Variants in LOC122539214 observed in about 807,000 individuals in gnomAD.
chr19:52,669,924 T>C, the LOC122539214 span, among the ~76,000 whole-genome samples: 3,336 of 152,280 alleles, frequency 0.022, 116 homozygotes, highest in African/African-American at 0.072. Context: ...CCAAGACATG[T>C]TAAAGAAGTT....
At chr19:52,666,594 C>T in the LOC122539214 span, among the ~76,000 whole-genome samples, 3 of 134,200 alleles carry the variant, frequency 2.2e-5, no homozygotes, top group Non-Finnish European at 4.7e-5. Context: ...GAGCACACCT[C>T]ATCAAGGAAG....
chr19:52,674,015 CAAAAAAAAA>C, the LOC122539214 span, among the ~76,000 whole-genome samples: 1 of 73,064 alleles, frequency 1.4e-5, no homozygotes, highest in African/African-American at 5.2e-5. Flanking sequence ...GACTCCATCT[CAAAAAAAAA>C]AAAAAAAAAA....
At chr19:52,665,772 G>A in the LOC122539214 span, among the ~76,000 whole-genome samples, 2 of 152,038 alleles carry the variant, frequency 1.3e-5, no homozygotes, top group Non-Finnish European at 2.9e-5. Flanking sequence ...CAGCAGCAGG[G>A]GCCTCATGCG....
chr19:52,682,530 G>A, the LOC122539214 span, among the ~76,000 whole-genome samples: 4 of 151,948 alleles, frequency 2.6e-5, no homozygotes, highest in Admixed American at 2.0e-4. Flanking sequence ...AATTACCCAG[G>A]CATGGCAGTG....
At chr19:52,671,869 T>C in the LOC122539214 span, among the ~76,000 whole-genome samples, 1 of 152,226 alleles carries the variant, frequency 6.6e-6, no homozygotes, top group East Asian at 1.9e-4. Flanking sequence ...AGAAAGATCA[T>C]GAAATATTAC....
chr19:52,655,452 G>C, the LOC122539214 span: 195 of 1,021,480 alleles, frequency 1.9e-4, no homozygotes, highest in African/African-American at 2.5e-3. Flanking sequence ...ACAATGACAT[G>C]TACATCAAAA....
At chr19:52,682,145 C>T in the LOC122539214 span, among the ~76,000 whole-genome samples, 1 of 152,024 alleles carries the variant, frequency 6.6e-6, no homozygotes, top group African/African-American at 2.4e-5. Context: ...CGTGCCTGGC[C>T]TGTTTTTACT....
At chr19:52,684,797 A>G in the LOC122539214 span, among the ~76,000 whole-genome samples, 4 of 151,618 alleles carry the variant, frequency 2.6e-5, no homozygotes, top group Non-Finnish European at 4.4e-5. Flanking sequence ...GTGTTTGGGA[A>G]AAAAAAAATG....
the LOC122539214 span, among the ~76,000 whole-genome samples, chr19:52,665,603 C>T: frequency 2.0e-5 from 3 of 152,026 alleles, no homozygotes; most frequent in African/African-American, 4.8e-5. Context: ...ATAAAGCAAC[C>T]TTTTTTAATC....
the LOC122539214 span, chr19:52,654,242 G>C: frequency 6.3e-7 from 1 of 1,575,218 alleles, no homozygotes; most frequent in South Asian, 1.1e-5. Context: ...TTAATTTCTT[G>C]CCACTGAAAC....
the LOC122539214 span, among the ~76,000 whole-genome samples, chr19:52,683,235 T>G: frequency 4.7e-4 from 8 of 16,848 alleles, no homozygotes; most frequent in East Asian, 7.2e-3. Context: ...ACTCTGTGTG[T>G]GTGTGTGTGT....
chr19:52,662,714 CT>C, the LOC122539214 span, among the ~76,000 whole-genome samples: 1 of 152,060 alleles, frequency 6.6e-6, no homozygotes, highest in African/African-American at 2.4e-5. Flanking sequence ...TATTCCTCAC[CT>C]GTATATTACA....
chr19:52,688,583 T>C, the LOC122539214 span, among the ~76,000 whole-genome samples: 7 of 151,988 alleles, frequency 4.6e-5, no homozygotes, highest in African/African-American at 1.5e-4. Flanking sequence ...GCTCCTCATT[T>C]TGTACCTCTC....
At chr19:52,652,855 G>T in the LOC122539214 span, 1 of 981,450 alleles carries the variant, frequency 1.0e-6, no homozygotes, top group Non-Finnish European at 1.6e-6. Context: ...TACAAAGGAT[G>T]ACATATGACT....
At chr19:52,670,941 C>T in the LOC122539214 span, among the ~76,000 whole-genome samples, 5 of 152,182 alleles carry the variant, frequency 3.3e-5, no homozygotes, top group South Asian at 6.2e-4. Context: ...TTGAAGTCCT[C>T]TGCTGGCTGC....
At chr19:52,674,921 C>CT in the LOC122539214 span, among the ~76,000 whole-genome samples, 4 of 152,174 alleles carry the variant, frequency 2.6e-5, no homozygotes, top group Admixed American at 2.6e-4. Flanking sequence ...TGGCTAACCT[C>CT]TGTTGGCCAG....
At chr19:52,676,530 C>A in the LOC122539214 span, among the ~76,000 whole-genome samples, 1 of 151,690 alleles carries the variant, frequency 6.6e-6, no homozygotes, top group East Asian at 2.0e-4. Flanking sequence ...GGCCAGCCGC[C>A]CCGTCTGGGA....
chr19:52,661,128 G>C, the LOC122539214 span, among the ~76,000 whole-genome samples: 2 of 152,108 alleles, frequency 1.3e-5, no homozygotes, highest in South Asian at 4.2e-4. Flanking sequence ...CTCCCAAAGA[G>C]CTATGATTAC....
the LOC122539214 span, chr19:52,654,298 C>G: frequency 7.9e-6 from 12 of 1,518,534 alleles, no homozygotes; most frequent in Non-Finnish European, 1.0e-5. Context: ...GCAAAAATCT[C>G]CAATGTGATG....
Sources: gnomAD v4.1 joint callset for allele counts (sites outside exome capture counted in the v4.1 genomes callset) on GRCh38, gnomAD v4.1.1 for gene constraint, MANE v1.5 for transcripts.